Variants in PRDX6 observed in about 807,000 individuals in gnomAD.
The protein encoded by PRDX6 is peroxiredoxin-6.
PRDX6 carries 13 observed loss-of-function variants against 20.0 expected under a neutral mutation model. The ratio of observed to expected loss-of-function variants is 0.65; its 90% CI spans 0.42 to 1.03. The LOEUF (loss-of-function observed/expected upper bound fraction) is 1.03, where lower values mean the gene tolerates loss of function less well. Ranked by LOEUF, PRDX6 falls within the 50% of genes least tolerant of loss-of-function variation. PRDX6 has a pLI of 0.00. For missense variants in PRDX6, 203 were observed against 276.9 expected (o/e 0.73, Z 1.89); for synonymous variants, 85 against 100.8 (o/e 0.84, Z 0.94).
chr1:173,477,729 G>A (rs1395203829), intron 1 of PRDX6, among the ~76,000 whole-genome samples: 1 of 152,242 alleles, frequency 6.6e-6, no homozygotes, highest in African/African-American at 2.4e-5. Context: ...ATCCCTCCTG[G>A]CCTCCCCGCC....
intron 1 of PRDX6, 142 bp downstream of exon 1, chr1:173,477,634 G>C (rs1200042971): frequency 4.3e-6 from 3 of 695,684 alleles, no homozygotes; most frequent in Non-Finnish European, 7.0e-6. Flanking sequence ...GTTCCGGCGC[G>C]CGCCAGGCCG....
At position 173,486,504 on chromosome 1, in the gene PRDX6, A is replaced by G. The variant is rs6699179; in HGVS notation, c.546+103A>G. 740 of 1,264,970 alleles carry G rather than the reference A, an allele frequency of 5.8e-4. 6 individuals are homozygous for G. The African/African-American group carries it at 9.3e-3, about 16-fold the overall frequency. 78.4% of individuals were successfully genotyped at this position (1,264,970 alleles called of 1,614,324 possible). A position where few individuals can be genotyped will look rare whatever the true frequency, so the allele number is the denominator to read the frequency against. On this transcript the variant is annotated intron_variant, in intron 4 of 4. Transcript: ENST00000340385. ...TTACCTGTTTCTAGCACGCAAGTAC[A>G]CTGGGAGGATTTTTCCTCATGGCTG...
At chr1:173,477,572 C>A (rs942544267) in intron 1 of PRDX6, 80 bp downstream of exon 1, 8 of 1,222,860 alleles carry the variant, frequency 6.5e-6, no homozygotes, top group Non-Finnish European at 8.1e-6. Flanking sequence ...TTCTCCCTGC[C>A]GTCCTCCCGG....
chr1:173,481,793 A>T, intron 2 of PRDX6: 2 of 276,602 alleles, frequency 7.2e-6, no homozygotes, highest in South Asian at 5.3e-5. Context: ...TCATCTCCCA[A>T]CTCCTAATTT....
intron 1 of PRDX6, among the ~76,000 whole-genome samples, chr1:173,479,975 T>G (rs1427591096): frequency 2.6e-5 from 4 of 152,256 alleles, no homozygotes; most frequent in Admixed American, 6.5e-5. Context: ...CCATTTCTTC[T>G]CAACTTCTGG....
intron 4 of PRDX6, among the ~76,000 whole-genome samples, chr1:173,487,312 A>T (rs1658917764): frequency 6.6e-6 from 1 of 152,204 alleles, no homozygotes; most frequent in Non-Finnish European, 1.5e-5. Context: ...CTATAGGCAG[A>T]AGGAGCAGTT....
chr1:173,481,076 T>G, intron 1 of PRDX6: 1 of 446,454 alleles, frequency 2.2e-6, no homozygotes, highest in Non-Finnish European at 4.0e-6. Context: ...CACCTTAACA[T>G]TAGTCTTTTT....
chr1:173,479,482 CT>C (rs1658766392), intron 1 of PRDX6, among the ~76,000 whole-genome samples: 1 of 152,196 alleles, frequency 6.6e-6, no homozygotes, highest in African/African-American at 2.4e-5. Context: ...TACCTTACCC[CT>C]GATCATTGTA....
intron 2 of PRDX6, among the ~76,000 whole-genome samples, chr1:173,482,387 G>C (rs547513873): frequency 6.6e-6 from 1 of 152,214 alleles, no homozygotes; most frequent in South Asian, 2.1e-4. Context: ...TTTCTTCCTA[G>C]TAGAGTATAA....
At chr1:173,486,666 G>A (rs1410807296) in intron 4 of PRDX6, among the ~76,000 whole-genome samples, 1 of 151,896 alleles carries the variant, frequency 6.6e-6, no homozygotes, top group African/African-American at 2.4e-5. Flanking sequence ...TTTCCTAATA[G>A]AAGGTTTAAA....
Position 173,487,966 on chromosome 1 carries a change from G to GT in PRDX6, c.*108dup, listed in dbSNP as rs1557998540. On this transcript the variant is annotated 3_prime_UTR_variant, in exon 5 of 5. Coordinates refer to ENST00000340385, the MANE Select transcript of PRDX6 (RefSeq NM_004905.3). The stretch of plus-strand genomic sequence containing the variant: ...ACATCCTGGTGTCATCACAGCCAAG[G>GT]TTTTTAGGTTGCTATACCAATGGCT... 3 of 1,443,226 alleles carry GT rather than the reference G, an allele frequency of 2.1e-6. No individual in the cohort carries two copies. The African/African-American group carries it at 4.3e-5, about 21-fold the overall frequency. 89.4% of individuals were successfully genotyped at this position (1,443,226 alleles called of 1,614,324 possible). A position where few individuals can be genotyped will look rare whatever the true frequency, so the allele number is the denominator to read the frequency against.
chr1:173,486,415 TA>T lies in PRDX6; in HGVS notation c.546+19del. The stretch of plus-strand genomic sequence containing the variant: ...GTTGATTGGAAGGTAAAGATGTTTT[TA>T]AAAAGCAGTTTCTCTACTTGCCTGA... On this transcript the variant is annotated intron_variant, in intron 4 of 4. Coordinates refer to ENST00000340385, the MANE Select transcript of PRDX6 (RefSeq NM_004905.3). The T allele has an allele frequency of 6.3e-7, 1 of 1,595,118 alleles. No individual in the cohort carries two copies. The highest frequency in any genetic ancestry group is 1.4e-5 in the African/African-American group (1 of 74,052).
chr1:173,482,325 T>C lies in PRDX6; in HGVS notation c.252+843T>C, dbSNP rs146517154. 2.6e-5 allele frequency among the ~76,000 whole-genome samples: 4 copies of C among 152,334 alleles called. No individual in the cohort carries two copies. In the East Asian group the frequency reaches 5.8e-4, roughly 22 times the overall value. On this transcript the variant is annotated intron_variant, in intron 2 of 4. Transcript: ENST00000340385. ...CTAAAATTATAACTCCTTTTCACGT[T>C]CACCATCCCCTTCTCCTCAGCACTC... is the stretch of plus-strand genomic sequence containing the variant.
rs1345241207 is a variant in PRDX6 at position 173,487,902 on chromosome 1, C to T, written c.*39C>T. 1 of 1,608,148 alleles carries T rather than the reference C, an allele frequency of 6.2e-7. No individual in the cohort carries two copies. Among genetic ancestry groups the T allele is most frequent in the Non-Finnish European group, 8.5e-7 (1 of 1,177,630 alleles). Reference sequence around the variant, plus strand: ...GCTGGTGCTGTGAGCCAGAGGATGTCAGCTGCCAATTGTGTTTTCCTGCAG... The same window carrying T: ...GCTGGTGCTGTGAGCCAGAGGATGTTAGCTGCCAATTGTGTTTTCCTGCAG... On this transcript the variant is annotated 3_prime_UTR_variant, in exon 5 of 5. Transcript: ENST00000340385.
chr1:173,479,253 A>G (rs1051360643), intron 1 of PRDX6, among the ~76,000 whole-genome samples: 7 of 152,216 alleles, frequency 4.6e-5, no homozygotes, highest in Non-Finnish European at 1.0e-4. Context: ...GGAACACGGT[A>G]GAAATATCTG....
intron 2 of PRDX6, among the ~76,000 whole-genome samples, chr1:173,482,225 T>C (rs1163409952): frequency 6.6e-6 from 1 of 152,268 alleles, no homozygotes; most frequent in African/African-American, 2.4e-5. Context: ...CCCAGGGATC[T>C]GTGTGACTTA....
chr1:173,483,786 C>T (rs148062277), intron 2 of PRDX6, among the ~76,000 whole-genome samples: 53 of 152,178 alleles, frequency 3.5e-4, no homozygotes, highest in African/African-American at 1.2e-3. Flanking sequence ...AGTTTATGTA[C>T]AGAGTTGCCC....
intron 3 of PRDX6, among the ~76,000 whole-genome samples, chr1:173,485,882 A>G (rs928129311): frequency 6.6e-6 from 1 of 152,190 alleles, no homozygotes; most frequent in Non-Finnish European, 1.5e-5. Flanking sequence ...CGCCCACTAG[A>G]AAACAAACCC....
Position 173,487,809 on chromosome 1 carries a change from C to T in PRDX6, c.621C>T (p.Phe207=). 1 of 1,613,962 alleles carries T rather than the reference C, an allele frequency of 6.2e-7. No homozygotes were observed. The change falls in exon 5 of 5, where the codon TTC becomes TTT. Residue 207 remains phenylalanine, a synonymous_variant. Transcript: ENST00000340385. The part of the protein sequence containing the change: ...EAKKLFPKGV[F]TKELPSGKKY... ...AAAAACTTTTCCCGAAAGGAGTCTT[C>T]ACCAAAGAGCTCCCATCTGGCAAGA...
Sources: allele counts gnomAD v4.1 joint callset (sites outside exome capture counted in the v4.1 genomes callset), GRCh38; gene constraint gnomAD v4.1.1; transcripts MANE v1.5; gene names NCBI Gene and HGNC (gene_info 2026-07-23, HGNC 2026-07-21).